NRG3: variants seen among roughly 807,000 people sequenced by gnomAD.
The protein encoded by NRG3 is neuregulin 3.
NRG3 carries 31 observed loss-of-function variants against 66.9 expected under a neutral mutation model. The ratio of observed to expected loss-of-function variants is 0.46; its 90% CI spans 0.35 to 0.63. NRG3 has a LOEUF of 0.63. NRG3 is among the 20% of genes least tolerant of loss of function. NRG3 has a pLI of 0.00. For synonymous variants in NRG3, 393 were observed against 359.4 expected (o/e 1.09, Z -1.06); for missense variants, 910 against 878.9 (o/e 1.04, Z -0.45).
chr10:82,315,107 A>G (rs1392251706), intron 1 of NRG3, among the ~76,000 whole-genome samples: 2 of 152,240 alleles, frequency 1.3e-5, no homozygotes, highest in South Asian at 2.1e-4. Context: ...TCCATACTGT[A>G]TTTATGGTCC....
chr10:82,455,591 C>G (rs914377417), intron 2 of NRG3, among the ~76,000 whole-genome samples: 2 of 151,066 alleles, frequency 1.3e-5, no homozygotes, highest in Non-Finnish European at 2.9e-5. Context: ...TTCATAAACA[C>G]TGGGCACTTA....
chr10:82,245,535 C>A (rs567957649), intron 1 of NRG3, among the ~76,000 whole-genome samples: 1 of 152,262 alleles, frequency 6.6e-6, no homozygotes, highest in South Asian at 2.1e-4. Flanking sequence ...GGATTTAAAT[C>A]TTGGATTTAT....
At chr10:82,609,989 G>A (rs1358668230) in intron 2 of NRG3, among the ~76,000 whole-genome samples, 1 of 152,152 alleles carries the variant, frequency 6.6e-6, no homozygotes, top group East Asian at 1.9e-4. Context: ...TTATCTAGAG[G>A]ATCTGGAGGA....
chr10:82,355,733 C>A, intron 1 of NRG3, among the ~76,000 whole-genome samples: 1 of 152,126 alleles, frequency 6.6e-6, no homozygotes, highest in South Asian at 2.1e-4. Flanking sequence ...AATTTCACCT[C>A]ATGATGAATT....
intron 1 of NRG3, among the ~76,000 whole-genome samples, chr10:82,134,691 A>G (rs970313663): frequency 2.6e-5 from 4 of 152,080 alleles, no homozygotes; most frequent in African/African-American, 7.2e-5. Flanking sequence ...GGTGGGCAAC[A>G]TGATGCCTCC....
At chr10:82,355,992 T>C (rs1326970036) in intron 1 of NRG3, among the ~76,000 whole-genome samples, 2 of 152,218 alleles carry the variant, frequency 1.3e-5, no homozygotes, top group Non-Finnish European at 2.9e-5. Context: ...TTTAAATTAA[T>C]TTGGAGATTC....
chr10:82,008,001 T>A (rs1426002454), intron 1 of NRG3, among the ~76,000 whole-genome samples: 1 of 152,206 alleles, frequency 6.6e-6, no homozygotes, highest in Non-Finnish European at 1.5e-5. Flanking sequence ...CTAATTTTTT[T>A]ATTTTATTCA....
At chr10:82,350,459 A>G (rs780346821) in intron 1 of NRG3, among the ~76,000 whole-genome samples, 8 of 152,202 alleles carry the variant, frequency 5.3e-5, no homozygotes, top group Non-Finnish European at 1.0e-4. Flanking sequence ...AAGCAGTTAA[A>G]CTGCAATTCA....
At chr10:82,869,244 A>G (rs1160615099) in intron 4 of NRG3, among the ~76,000 whole-genome samples, 1 of 152,212 alleles carries the variant, frequency 6.6e-6, no homozygotes, top group Non-Finnish European at 1.5e-5. Flanking sequence ...GTTCATAGCA[A>G]AATTGAGTGC....
intron 1 of NRG3, among the ~76,000 whole-genome samples, chr10:82,250,672 G>A (rs1176946848): frequency 6.6e-6 from 1 of 152,162 alleles, no homozygotes; most frequent in Non-Finnish European, 1.5e-5. Flanking sequence ...TGACTGTCTA[G>A]GGCTGAATTT....
At chr10:82,980,995 T>A (rs771523728) in intron 8 of NRG3, among the ~76,000 whole-genome samples, 1 of 152,090 alleles carries the variant, frequency 6.6e-6, no homozygotes, top group African/African-American at 2.4e-5. Flanking sequence ...CAAGAACAAG[T>A]GAGGGAAAAT....
chr10:82,123,032 A>G (rs1285865663), intron 1 of NRG3, among the ~76,000 whole-genome samples: 8 of 151,830 alleles, frequency 5.3e-5, no homozygotes, highest in Admixed American at 4.6e-4. Context: ...AAGAACACCA[A>G]GTGAAAAGCT....
chr10:82,770,318 A>G (rs2059667365), intron 3 of NRG3, among the ~76,000 whole-genome samples: 1 of 152,130 alleles, frequency 6.6e-6, no homozygotes, highest in African/African-American at 2.4e-5. Context: ...GGGTGGGTAT[A>G]TCAAGAATCT....
At chr10:82,509,368 T>A (rs1844964980) in intron 2 of NRG3, among the ~76,000 whole-genome samples, 1 of 152,200 alleles carries the variant, frequency 6.6e-6, no homozygotes. Flanking sequence ...TTGAGAAAAT[T>A]ATTATGCAAA....
chr10:82,529,189 A>G lies in NRG3; in HGVS notation c.953+170321A>G, dbSNP rs182024310. 1.6e-3 allele frequency among the ~76,000 whole-genome samples: 244 copies of G among 152,296 alleles called. 1 individual carries two copies. The highest frequency in any genetic ancestry group is 5.3e-3 in the African/African-American group (222 of 41,570). ...CAGGCAGATGTTTGCTGACATAACA[A>G]AGTCTTCTCAAATGCGACTAAGGAC... On this transcript the variant is annotated intron_variant, in intron 2 of 8. Coordinates refer to ENST00000372141, the MANE Select transcript of NRG3 (RefSeq NM_001010848.4).
chr10:82,839,304 G>C (rs1199050709), intron 3 of NRG3, among the ~76,000 whole-genome samples: 6 of 152,152 alleles, frequency 3.9e-5, no homozygotes, highest in African/African-American at 1.4e-4. Context: ...TTTGGGTCAG[G>C]AAAACATTTT....
intron 1 of NRG3, among the ~76,000 whole-genome samples, chr10:81,941,847 A>T (rs1226547358): frequency 2.6e-5 from 4 of 152,098 alleles, no homozygotes; most frequent in Non-Finnish European, 5.9e-5. Flanking sequence ...TCAACCACAG[A>T]GTTAGACATT....
At chr10:82,176,298 A>G (rs2073027114) in intron 1 of NRG3, among the ~76,000 whole-genome samples, 1 of 152,022 alleles carries the variant, frequency 6.6e-6, no homozygotes, top group South Asian at 2.1e-4. Flanking sequence ...TTTAGGAGAG[A>G]ACTCCTCTTT....
chr10:82,573,948 G>A (rs2045889510), intron 2 of NRG3, among the ~76,000 whole-genome samples: 1 of 151,712 alleles, frequency 6.6e-6, no homozygotes, highest in African/African-American at 2.4e-5. Context: ...ATTTCAATTA[G>A]TATAGCCATT....
Sources: gnomAD v4.1 joint callset for allele counts (sites outside exome capture counted in the v4.1 genomes callset) on GRCh38, gnomAD v4.1.1 for gene constraint, MANE v1.5 for transcripts, NCBI Gene and HGNC (gene_info 2026-07-23, HGNC 2026-07-21) for gene names.